The following CAND1 variants were observed in gnomAD, a reference collection of about 807,000 sequenced individuals.
CAND1 encodes cullin associated and neddylation dissociated 1.
CAND1 carries 7 observed loss-of-function variants against 108.5 expected under a neutral mutation model. The ratio of observed to expected loss-of-function variants is 0.06; its 90% CI spans 0.04 to 0.12. The LOEUF is 0.12. CAND1 is among the 10% of genes least tolerant of loss of function. CAND1 has a pLI of 1.00. For synonymous variants in CAND1, 534 were observed against 512.0 expected (o/e 1.04, Z -0.58); for missense variants, 941 against 1,448.7 (o/e 0.65, Z 5.69).
intron 2 of CAND1, among the ~76,000 whole-genome samples, chr12:67,290,864 C>G (rs929883414): frequency 1.3e-5 from 2 of 152,184 alleles, no homozygotes; most frequent in Non-Finnish European, 2.9e-5. Context: ...ACTGCCTGAG[C>G]TTTGCCTCCT....
chr12:67,275,705 G>A (rs549174424), intron 1 of CAND1, among the ~76,000 whole-genome samples: 16 of 152,252 alleles, frequency 1.1e-4, no homozygotes, highest in African/African-American at 3.9e-4. Context: ...TTGTGTTTAT[G>A]TATGATGGGA....
At chr12:67,281,194 G>GA (rs2044616743) in intron 1 of CAND1, among the ~76,000 whole-genome samples, 1 of 151,544 alleles carries the variant, frequency 6.6e-6, no homozygotes, top group African/African-American at 2.4e-5. Context: ...GCTGGGCGTG[G>GA]TGACAGGCGC....
At chr12:67,307,866 G>A (rs1057439311) in intron 11 of CAND1, among the ~76,000 whole-genome samples, 5 of 151,552 alleles carry the variant, frequency 3.3e-5, no homozygotes, top group African/African-American at 1.2e-4. Flanking sequence ...AGCTATTAAG[G>A]CCTCAAATTT....
At chr12:67,274,011 A>ATAG (rs1024895544) in intron 1 of CAND1, among the ~76,000 whole-genome samples, 61 of 152,158 alleles carry the variant, frequency 4.0e-4, no homozygotes, top group African/African-American at 1.3e-3. Context: ...GGTCAGTTAG[A>ATAG]TAGTAGGTCT....
rs918618844 is a variant in CAND1 at position 67,269,453 on chromosome 12, C to T, written c.-265C>T. ...CGTAGAGGCCCTTCTGTACGCCCCG[C>T]CGCCCATGAGCTCGTTCTCACGCGA... On this transcript the variant is annotated 5_prime_UTR_variant, in exon 1 of 15. Transcript: ENST00000545606. 5 of 486,728 alleles carry T rather than the reference C, an allele frequency of 1.0e-5. No individual in the cohort carries two copies. Among genetic ancestry groups the T allele is most frequent in the African/African-American group, 2.1e-5 (1 of 47,814 alleles). The allele number at this position is 486,728 out of a possible 1,614,324, so 30.2% of individuals were successfully genotyped here. A position where few individuals can be genotyped will look rare whatever the true frequency, so the allele number is the denominator to read the frequency against.
intron 4 of CAND1, among the ~76,000 whole-genome samples, chr12:67,296,778 G>T (rs1163334101): frequency 6.6e-6 from 1 of 151,654 alleles, no homozygotes; most frequent in Non-Finnish European, 1.5e-5. Context: ...GTGACAAGAT[G>T]ATTGTGTAGT....
At chr12:67,278,766 G>T (rs1448726718) in intron 1 of CAND1, among the ~76,000 whole-genome samples, 2 of 152,186 alleles carry the variant, frequency 1.3e-5, no homozygotes, top group Non-Finnish European at 2.9e-5. Context: ...AGATCTGCCT[G>T]CCTTGGCCTC....
chr12:67,310,437 A>C, intron 13 of CAND1, 121 bp downstream of exon 13: 2 of 695,300 alleles, frequency 2.9e-6, no homozygotes, highest in South Asian at 4.0e-5. Context: ...GATTTTGATA[A>C]GCATATTGTA....
chr12:67,290,237 G>A (rs905807048), intron 2 of CAND1, among the ~76,000 whole-genome samples: 2 of 152,116 alleles, frequency 1.3e-5, no homozygotes, highest in Non-Finnish European at 2.9e-5. Context: ...CCAGCCTGGC[G>A]TGGTGGCTTA....
chr12:67,278,582 A>G (rs1362793861), intron 1 of CAND1, among the ~76,000 whole-genome samples: 1 of 151,840 alleles, frequency 6.6e-6, no homozygotes, highest in African/African-American at 2.4e-5. Context: ...GCAGTGGCTC[A>G]ATCTCGGCTC....
At chr12:67,294,597 A>G (rs1439789302) in intron 3 of CAND1, among the ~76,000 whole-genome samples, 1 of 152,200 alleles carries the variant, frequency 6.6e-6, no homozygotes, top group Non-Finnish European at 1.5e-5. Flanking sequence ...TATCCAGTAG[A>G]TAGCATAGTT....
intron 11 of CAND1, among the ~76,000 whole-genome samples, chr12:67,309,125 T>C (rs1201152020): frequency 6.6e-6 from 1 of 152,052 alleles, no homozygotes; most frequent in Non-Finnish European, 1.5e-5. Flanking sequence ...TAATCCTCAT[T>C]TTATTGACTG....
intron 13 of CAND1, chr12:67,310,526 G>T (rs933196136): frequency 1.8e-5 from 7 of 389,980 alleles, no homozygotes; most frequent in Admixed American, 8.2e-5. Flanking sequence ...TTTATTGGAG[G>T]AGGAAGTGGC....
rs1032939537 is a variant in CAND1 at position 67,318,402 on chromosome 12, G to A, written c.*5572G>A. 8 of 152,204 alleles carry A rather than the reference G, an allele frequency of 5.3e-5. No homozygotes were observed. Among genetic ancestry groups the A allele is most frequent in the Non-Finnish European group, 1.0e-4 (7 of 68,038 alleles). The allele number at this position is 152,204 out of a possible 1,614,324, so 9.4% of individuals were successfully genotyped here. Reference sequence around the variant, plus strand: ...TCAACTTTCCCTATCTATAAAATGGGAATTAAAATATTTGCACCTTATAGG... The same window carrying A: ...TCAACTTTCCCTATCTATAAAATGGAAATTAAAATATTTGCACCTTATAGG... On this transcript the variant is annotated 3_prime_UTR_variant, in exon 15 of 15. Transcript: ENST00000545606.
intron 1 of CAND1, among the ~76,000 whole-genome samples, chr12:67,271,410 T>A (rs547669415): frequency 6.6e-6 from 1 of 152,344 alleles, no homozygotes; most frequent in South Asian, 2.1e-4. Flanking sequence ...TCATTCTGAT[T>A]GTGGTCAATT....
chr12:67,311,618 G>C, intron 13 of CAND1, 75 bp from the exon 14 acceptor site: 3 of 664,084 alleles, frequency 4.5e-6, no homozygotes, highest in Non-Finnish European at 4.7e-6. Flanking sequence ...TCCTTTAAAG[G>C]ATTTGTCAGA....
Position 67,305,216 on chromosome 12 carries a change from C to T in CAND1, c.1548C>T (p.His516=), listed in dbSNP as rs137855240. The T allele has an allele frequency of 6.4e-5, 103 of 1,614,044 alleles. No individual in the cohort carries two copies. The highest frequency in any genetic ancestry group is 5.9e-4 in the African/African-American group (44 of 74,916). ...ATTCTCCTCAAGTCTTCCATCCTCA[C>T]GTTCAGGCTTTGGTTCCTCCAGTGG... The part of the protein sequence containing the change: ...CNHSPQVFHP[H]VQALVPPVVA... Residue 516 remains histidine, a synonymous_variant, in exon 10 of 15, where the codon CAC becomes CAT. Transcript: ENST00000545606. This position sits in a 1 kb window ranked among gnomAD's most constrained non-coding sequence, Gnocchi z 4.4.
At chr12:67,270,350 G>C (rs775625) in intron 1 of CAND1, 3 of 152,444 alleles carry the variant, frequency 2.0e-5, no homozygotes, top group African/African-American at 4.8e-5. Flanking sequence ...ATTAATTTTC[G>C]TGAAGGTGGG....
rs2044876915 is a variant in CAND1 at position 67,305,831 on chromosome 12, A to G, written c.2163A>G (p.Lys721=). The G allele has an allele frequency of 6.2e-7, 1 of 1,614,076 alleles. No individual in the cohort carries two copies. Among genetic ancestry groups the G allele is most frequent in the Non-Finnish European group, 8.5e-7 (1 of 1,180,042 alleles). Residue 721 remains lysine (K), a synonymous_variant, in exon 10 of 15, where the codon AAA becomes AAG. Transcript: ENST00000545606. This position sits in a 1 kb window ranked among gnomAD's most constrained non-coding sequence, Gnocchi z 4.4. ...TCAGTTTTCTTACCACTTTGGCAAA[A>G]GTATATCCCTCCTCCCTTTCAAAGA... is the stretch of plus-strand genomic sequence containing the variant. ...MAISFLTTLA[K]VYPSSLSKIS...
Sources: gnomAD v4.1 joint callset for allele counts (sites outside exome capture counted in the v4.1 genomes callset) on GRCh38, gnomAD v4.1.1 for gene constraint, Gnocchi (gnomAD v3.1) non-coding constraint, MANE v1.5 for transcripts, NCBI Gene and HGNC (gene_info 2026-07-23, HGNC 2026-07-21) for gene names.